TASOR2: variants seen among roughly 807,000 people sequenced by gnomAD.
TASOR2 encodes the protein protein TASOR 2.
In TASOR2, 84 loss-of-function variants were observed where a neutral mutation model predicts 199.5. The observed-to-expected ratio is 0.42, with a 90% CI of 0.35 to 0.50. TASOR2 has a LOEUF of 0.50. Ranked by LOEUF, TASOR2 falls within the 20% of genes least tolerant of loss-of-function variation. The pLI, the probability that TASOR2 is intolerant of heterozygous loss-of-function variation, is 0.02. For synonymous variants in TASOR2, 1,103 were observed against 1,046.6 expected, an observed-to-expected ratio of 1.05 and a Z score of -1.04; for missense variants, 2,796 against 2,835.9, an observed-to-expected ratio of 0.99 and a Z score of 0.32.
chr10:5,753,641 T>C (rs959187563), intron 15 of TASOR2, among the ~76,000 whole-genome samples: 9 of 152,190 alleles, frequency 5.9e-5, no homozygotes, highest in Non-Finnish European at 1.3e-4. Context: ...ATTACAGGCA[T>C]GAGCCACTCC....
chr10:5,724,355 TA>T, intron 7 of TASOR2, 74 bp from the exon 9 acceptor site: 1 of 652,650 alleles, frequency 1.5e-6, no homozygotes, highest in Non-Finnish European at 2.5e-6. Context: ...TTGCAACATA[TA>T]AAATGAACAA....
At position 5,759,313 on chromosome 10, in the gene TASOR2, C is replaced by T. The variant is rs1450935119; in HGVS notation, c.6992+321C>T. Among the ~76,000 whole-genome samples the T allele has an allele frequency of 2.6e-5, 4 of 152,074 alleles. 1 individual carries two copies. The highest frequency in any genetic ancestry group is 2.0e-4 in the Admixed American group (3 of 15,268). On this transcript the variant is annotated intron_variant, in intron 18 of 20. Transcript: ENST00000328090. ...TGTACCATTAATGCTTTTTTGGATA[C>T]TTATAAGTTGCCACCACTTTAAGGA... is the stretch of plus-strand genomic sequence containing the variant.
chr10:5,748,058 T>C lies in TASOR2; in HGVS notation c.4637T>C (p.Val1546Ala). 3.1e-6 allele frequency: 5 copies of C among 1,614,166 alleles called. No homozygotes were observed. Among genetic ancestry groups the C allele is most frequent in the Non-Finnish European group, 4.2e-6 (5 of 1,180,028 alleles). ...TTCAGTCCTTCTCCTGAAAAACTGG[T>C]AAAATCAGGAAATCCATTGCAGCCA... is the stretch of plus-strand genomic sequence containing the variant. Residue 1546 changes from valine (V) to alanine (A), a missense_variant, in exon 15 of 21, where the codon GTA becomes GCA. Val to Ala is a moderately conservative substitution (Grantham distance 64). This residue lies in a region of TASOR2 where 1,941 missense variants were observed against 1,924.9 expected (regional missense o/e 1.01). Transcript: ENST00000328090. This position sits in a 1 kb window ranked among gnomAD's most constrained non-coding sequence, Gnocchi z 5.1.
chr10:5,727,165 A>G (rs1404379863), intron 10 of TASOR2, 42 bp downstream of exon 11: 1 of 1,606,412 alleles, frequency 6.2e-7, no homozygotes, highest in South Asian at 1.1e-5. Flanking sequence ...TCTGTTGGAT[A>G]TATTTAGTCC....
At chr10:5,753,667 CGAG>C (rs1437110460) in intron 15 of TASOR2, among the ~76,000 whole-genome samples, 1 of 152,128 alleles carries the variant, frequency 6.6e-6, no homozygotes, top group Non-Finnish European at 1.5e-5. Flanking sequence ...GCCTGTTTGC[CGAG>C]ATTCTTAATG....
intron 18 of TASOR2, among the ~76,000 whole-genome samples, chr10:5,760,004 A>G (rs1839557141): frequency 6.6e-6 from 1 of 152,252 alleles, no homozygotes; most frequent in Admixed American, 6.5e-5. Context: ...AAATCAATCT[A>G]GCACTTCTAG....
rs761054744 is a variant in TASOR2 at position 5,748,057 on chromosome 10, G to C, written c.4636G>C (p.Val1546Leu). 33 of 1,614,090 alleles carry C rather than the reference G, an allele frequency of 2.0e-5. No individual in the cohort carries two copies. The highest frequency in any genetic ancestry group is 1.0e-4 in the Admixed American group (6 of 60,006). ...CTTCAGTCCTTCTCCTGAAAAACTG[G>C]TAAAATCAGGAAATCCATTGCAGCC... is the stretch of plus-strand genomic sequence containing the variant. Residue 1546 changes from valine (V) to leucine (L), a missense_variant, in exon 15 of 21, where the codon GTA becomes CTA. By Grantham distance (32) the Val-to-Leu change is conservative. Coordinates refer to ENST00000328090, the Ensembl canonical transcript of TASOR2. This position sits in a 1 kb window ranked among gnomAD's most constrained non-coding sequence, Gnocchi z 5.1.
In TASOR2 at chr10:5,750,471, CT is replaced by C. The variant is rs1837878857; in HGVS notation, c.6606+446del. ...CGGTGAGTACATGGAGTACATAGTC[CT>C]TAAATTTAAGTAATGGAACCATGGT... On this transcript the variant is annotated intron_variant, in intron 15 of 20. Coordinates refer to ENST00000328090, the Ensembl canonical transcript of TASOR2. This position sits in a 1 kb window ranked among gnomAD's most constrained non-coding sequence, Gnocchi z 5.4. Among the ~76,000 whole-genome samples, 2 of 152,096 alleles carry C rather than the reference CT, an allele frequency of 1.3e-5. No individual in the cohort carries two copies. The highest frequency in any genetic ancestry group is 2.9e-5 in the Non-Finnish European group (2 of 68,020).
chr10:5,762,593 T>C, exon 20 of TASOR2: 2 of 1,489,082 alleles, frequency 1.3e-6, no homozygotes, highest in Non-Finnish European at 1.8e-6. Context: ...CAGATGTAAA[T>C]AACTTTATAG....
Position 5,761,272 on chromosome 10 carries a change from C to T in TASOR2, c.6993-18C>T. On this transcript the variant is annotated intron_variant, in intron 18 of 20. Transcript: ENST00000328090. ...TAAAACTGAAAAATATTTTAATATG[C>T]CTATGTATCTTTCACAGAGTGGATT... 1.3e-6 allele frequency: 2 copies of T among 1,599,662 alleles called. No homozygotes were observed.
At chr10:5,709,616 T>C in intron 1 of TASOR2, 2 of 1,231,164 alleles carry the variant, frequency 1.6e-6, no homozygotes, top group Non-Finnish European at 2.0e-6. Context: ...CCCTCCCAGC[T>C]ACATTCTCTC....
intron 1 of TASOR2, among the ~76,000 whole-genome samples, chr10:5,696,135 C>T (rs904739902): frequency 9.2e-5 from 14 of 152,114 alleles, no homozygotes; most frequent in Admixed American, 7.2e-4. Flanking sequence ...GAACCTAGAG[C>T]GGTTGTCTTT....
In TASOR2 at chr10:5,685,888, G is replaced by C. The variant is rs1817964613; in HGVS notation, c.-288+713G>C. On this transcript the variant is annotated intron_variant, in intron 1 of 20. Coordinates refer to ENST00000328090, the Ensembl canonical transcript of TASOR2. The surrounding 1 kb of genome is among the most constrained non-coding windows in gnomAD (Gnocchi z 5.4). ...CTCCCTGTAAGGTACAATTAGAATA[G>C]AAAAGTTTATGAAAGTGTATCCAAA... Among the ~76,000 whole-genome samples, 1 of 152,214 alleles carries C rather than the reference G, an allele frequency of 6.6e-6. No homozygotes were observed. The highest frequency in any genetic ancestry group is 1.5e-5 in the Non-Finnish European group (1 of 68,048).
intron 18 of TASOR2, chr10:5,761,029 G>C (rs568652179): frequency 4.7e-4 from 154 of 330,662 alleles, no homozygotes; most frequent in South Asian, 4.5e-3. Flanking sequence ...TTCATGAAAG[G>C]CTTGCCAAGC....
intron 8 of TASOR2, among the ~76,000 whole-genome samples, chr10:5,725,740 C>T (rs182669134): frequency 3.1e-4 from 47 of 152,272 alleles, no homozygotes; most frequent in African/African-American, 1.1e-3. Flanking sequence ...GTTACTGTGC[C>T]ACTGTGCTGC....
At chr10:5,762,704 T>C (rs945699498) in intron 20 of TASOR2, 58 bp downstream of exon 21, 5 of 821,974 alleles carry the variant, frequency 6.1e-6, no homozygotes, top group South Asian at 1.5e-5. Context: ...ATGGCAAATA[T>C]TGACATTTGT....
chr10:5,748,477 C>A lies in TASOR2; in HGVS notation c.5056C>A (p.Pro1686Thr), dbSNP rs754938692. Reference sequence around the variant, plus strand: ...GCCAGTGTTTCAAGCACAGGAAATACCAGCAGGCAGAATGGCCAGTTTGCT... The same window carrying A: ...GCCAGTGTTTCAAGCACAGGAAATAACAGCAGGCAGAATGGCCAGTTTGCT... The change falls in exon 15 of 21, where the codon CCA becomes ACA. Residue 1686 changes from proline to threonine, a missense_variant. By Grantham distance (38) the Pro-to-Thr change is conservative. This residue lies in a region of TASOR2 where 1,941 missense variants were observed against 1,924.9 expected (regional missense o/e 1.01). Transcript: ENST00000328090. This position sits in a 1 kb window ranked among gnomAD's most constrained non-coding sequence, Gnocchi z 5.1. The A allele has an allele frequency of 4.3e-6, 7 of 1,613,976 alleles. No individual in the cohort carries two copies. Among genetic ancestry groups the A allele is most frequent in the Non-Finnish European group, 5.9e-6 (7 of 1,180,046 alleles).
exon 19 of TASOR2, chr10:5,761,440 T>A (rs779932021): frequency 6.2e-7 from 1 of 1,612,970 alleles, no homozygotes; most frequent in Non-Finnish European, 8.5e-7. Flanking sequence ...AAATTCAGCA[T>A]ATTGATGCCA....
Position 5,730,769 on chromosome 10 carries a change from T to C in TASOR2, c.770T>C (p.Leu257Ser), listed in dbSNP as rs765445630. The C allele has an allele frequency of 1.2e-6, 2 of 1,614,212 alleles. No homozygotes were observed. The highest frequency in any genetic ancestry group is 2.2e-5 in the East Asian group (1 of 44,886). ...GCTGAAAAGTGCCCTTCAGAGTCTT[T>C]AACTCAGTTGAACTCTTATTTTTCA... The change falls in exon 11 of 21, where the codon TTA becomes TCA. Residue 257 changes from leucine to serine, a missense_variant. Coordinates refer to ENST00000328090, the Ensembl canonical transcript of TASOR2. This position sits in a 1 kb window ranked among gnomAD's most constrained non-coding sequence, Gnocchi z 4.1.
Sources: allele counts gnomAD v4.1 joint callset (sites outside exome capture counted in the v4.1 genomes callset), GRCh38; gene constraint gnomAD v4.1.1; regional missense constraint gnomAD v4.1.1; non-coding constraint Gnocchi (gnomAD v3.1); transcripts MANE v1.5; gene names NCBI Gene and HGNC (gene_info 2026-07-23, HGNC 2026-07-21).